The following CREB5 variants were observed in gnomAD, a reference collection of about 807,000 sequenced individuals.
CREB5 encodes cAMP responsive element binding protein 5.
In CREB5, 19 loss-of-function variants were observed where a neutral mutation model predicts 57.1. The observed-to-expected ratio is 0.33, with a 90% CI of 0.23 to 0.49. The LOEUF is 0.49. CREB5 is among the 20% of genes least tolerant of loss of function. The pLI is 0.99. For synonymous variants in CREB5, 238 were observed against 238.3 expected (o/e 1.00, Z 0.01); for missense variants, 579 against 671.6 (o/e 0.86, Z 1.52).
Position 28,359,763 on chromosome 7 carries a change from C to T in CREB5, c.-25+60322C>T, listed in dbSNP as rs926423999. On this transcript the variant is annotated intron_variant, in intron 1 of 9. Coordinates refer to the CREB5 transcript ENST00000396299. Reference sequence around the variant, plus strand: ...AAAAGCTTCTGTACATCAAAGAAAACAATCGACAGAGTAAAGAGACAATAT... The same window carrying T: ...AAAAGCTTCTGTACATCAAAGAAAATAATCGACAGAGTAAAGAGACAATAT... 3.3e-5 allele frequency among the ~76,000 whole-genome samples: 5 copies of T among 152,164 alleles called. No individual in the cohort carries two copies. In the South Asian group the frequency reaches 1.0e-3, roughly 32 times the overall value.
At chr7:28,617,027 T>C (rs1797620709) in intron 5 of CREB5, among the ~76,000 whole-genome samples, 2 of 152,162 alleles carry the variant, frequency 1.3e-5, no homozygotes. Context: ...CAGCCTGAAA[T>C]TCACAGAGTT....
At chr7:28,714,068 T>A (rs943757614) in intron 5 of CREB5, among the ~76,000 whole-genome samples, 6 of 150,120 alleles carry the variant, frequency 4.0e-5, no homozygotes, top group Admixed American at 1.3e-4. Context: ...CACCTCCACC[T>A]CCTGCGCTCA....
intron 2 of CREB5, among the ~76,000 whole-genome samples, chr7:28,488,930 G>A (rs993496778): frequency 2.6e-5 from 4 of 152,184 alleles, no homozygotes; most frequent in East Asian, 1.9e-4. Flanking sequence ...TGCTGCTGCT[G>A]CTACTATTAT....
intron 5 of CREB5, among the ~76,000 whole-genome samples, chr7:28,599,761 T>TTTTTA (rs1418349513): frequency 1.3e-5 from 2 of 151,852 alleles, no homozygotes; most frequent in East Asian, 3.9e-4. Flanking sequence ...TTTGTTTTTT[T>TTTTTA]ATTGTATTAG....
intron 7 of CREB5, among the ~76,000 whole-genome samples, chr7:28,739,126 T>A (rs1419322117): frequency 6.6e-6 from 1 of 152,200 alleles, no homozygotes; most frequent in African/African-American, 2.4e-5. Context: ...TCTAGAGTGG[T>A]TCTTCAGCAA....
intron 1 of CREB5, among the ~76,000 whole-genome samples, chr7:28,308,486 G>A (rs1482252960): frequency 1.3e-5 from 2 of 152,314 alleles, no homozygotes; most frequent in Non-Finnish European, 2.9e-5. Flanking sequence ...GCCTCATTTT[G>A]CAGAGGAGAA....
chr7:28,441,987 C>T (rs1343028693), intron 1 of CREB5, among the ~76,000 whole-genome samples: 1 of 152,062 alleles, frequency 6.6e-6, no homozygotes, highest in Non-Finnish European at 1.5e-5. Context: ...TGAAAATGTA[C>T]AATAAATTAC....
intron 7 of CREB5, among the ~76,000 whole-genome samples, chr7:28,762,783 A>C (rs1051715455): frequency 1.3e-5 from 2 of 151,890 alleles, no homozygotes; most frequent in African/African-American, 4.8e-5. Context: ...ATACAATATG[A>C]AACTGAGAGA....
At chr7:28,313,408 A>G (rs893418967) in intron 1 of CREB5, among the ~76,000 whole-genome samples, 1 of 152,158 alleles carries the variant, frequency 6.6e-6, no homozygotes, top group Non-Finnish European at 1.5e-5. Flanking sequence ...AATTTTATTC[A>G]TCATAGTTTT....
intron 7 of CREB5, among the ~76,000 whole-genome samples, chr7:28,773,059 C>A (rs1440124679): frequency 6.6e-6 from 1 of 152,096 alleles, no homozygotes; most frequent in African/African-American, 2.4e-5. Context: ...CATTGTTAGT[C>A]TTATTTTCAA....
chr7:28,427,545 A>C (rs1445079832), intron 1 of CREB5, among the ~76,000 whole-genome samples: 1 of 152,096 alleles, frequency 6.6e-6, no homozygotes, highest in Non-Finnish European at 1.5e-5. Flanking sequence ...ATTGTGACAG[A>C]GACTGAGTTT....
intron 9 of CREB5, among the ~76,000 whole-genome samples, chr7:28,812,382 G>A (rs954564493): frequency 4.6e-5 from 7 of 152,144 alleles, no homozygotes; most frequent in East Asian, 1.9e-4. Flanking sequence ...TGGCATATGC[G>A]TATTTATGAT....
intron 1 of CREB5, among the ~76,000 whole-genome samples, chr7:28,483,032 T>C (rs1298945474): frequency 6.6e-6 from 1 of 152,246 alleles, no homozygotes; most frequent in South Asian, 2.1e-4. Flanking sequence ...ACAATTTACA[T>C]GGGCAAACAT....
intron 1 of CREB5, among the ~76,000 whole-genome samples, chr7:28,398,852 C>T (rs1373434847): frequency 1.3e-5 from 2 of 152,058 alleles, no homozygotes; most frequent in Non-Finnish European, 1.5e-5. Context: ...GCTGGGACCA[C>T]AGGCATGCAC....
intron 1 of CREB5, among the ~76,000 whole-genome samples, chr7:28,483,079 A>G (rs1284922120): frequency 2.0e-5 from 3 of 152,230 alleles, no homozygotes; most frequent in Non-Finnish European, 1.5e-5. Flanking sequence ...GATGATGTCA[A>G]TTTATCCCCC....
intron 5 of CREB5, among the ~76,000 whole-genome samples, chr7:28,606,870 G>A (rs1797151715): frequency 6.6e-6 from 1 of 152,176 alleles, no homozygotes; most frequent in African/African-American, 2.4e-5. Context: ...AGGGTACATA[G>A]TGATGTTTGA....
At chr7:28,429,942 A>G (rs1405905327) in intron 1 of CREB5, among the ~76,000 whole-genome samples, 5 of 152,228 alleles carry the variant, frequency 3.3e-5, no homozygotes, top group African/African-American at 1.2e-4. Flanking sequence ...ACAGGAAATG[A>G]TAATGAAAGA....
chr7:28,799,472 T>C (rs1316028823), intron 7 of CREB5, among the ~76,000 whole-genome samples: 2 of 152,264 alleles, frequency 1.3e-5, no homozygotes, highest in African/African-American at 4.8e-5. Flanking sequence ...AGCATTATTG[T>C]CTTGGCCTTA....
intron 1 of CREB5, among the ~76,000 whole-genome samples, chr7:28,471,370 A>T (rs890352061): frequency 5.9e-5 from 9 of 152,018 alleles, no homozygotes; most frequent in Non-Finnish European, 1.3e-4. Context: ...TTTATTGAAA[A>T]TGAGTTCACT....
Sources: gnomAD v4.1 joint callset for allele counts (sites outside exome capture counted in the v4.1 genomes callset) on GRCh38, gnomAD v4.1.1 for gene constraint, MANE v1.5 for transcripts, NCBI Gene and HGNC (gene_info 2026-07-23, HGNC 2026-07-21) for gene names.